Variants in GRIK3 observed in about 807,000 individuals in gnomAD.
The protein encoded by GRIK3 is glutamate receptor ionotropic, kainate 3.
GRIK3 carries 29 observed loss-of-function variants against 102.5 expected under a neutral mutation model. The observed-to-expected ratio is 0.28, with a 90% CI of 0.21 to 0.39. The LOEUF (loss-of-function observed/expected upper bound fraction) is 0.39, where lower values mean the gene tolerates loss of function less well. Among genes scored for constraint, GRIK3 ranks in the 10% least tolerant of loss-of-function variants. GRIK3 has a pLI of 1.00. For missense variants in GRIK3, 908 were observed against 1,252.4 expected, an observed-to-expected ratio of 0.73 and a Z score of 4.15; for synonymous variants, 511 against 504.9, an observed-to-expected ratio of 1.01 and a Z score of -0.16.
intron 1 of GRIK3, among the ~76,000 whole-genome samples, chr1:36,999,292 A>G (rs546390024): frequency 4.4e-4 from 67 of 152,206 alleles, no homozygotes; most frequent in African/African-American, 1.5e-3. Context: ...TGGGAGAGGA[A>G]GCTGCAGGGG....
intron 13 of GRIK3, among the ~76,000 whole-genome samples, chr1:36,811,442 G>A (rs1287962284): frequency 6.6e-6 from 1 of 152,152 alleles, no homozygotes; most frequent in East Asian, 1.9e-4. Context: ...ATATAAATAA[G>A]CGATGTGTGG....
At chr1:37,008,247 C>T (rs1642552988) in intron 1 of GRIK3, among the ~76,000 whole-genome samples, 1 of 152,202 alleles carries the variant, frequency 6.6e-6, no homozygotes, top group Non-Finnish European at 1.5e-5. Flanking sequence ...GCTGGCTCTA[C>T]CCTTACCGAG....
chr1:36,935,960 C>A (rs1280705497), intron 1 of GRIK3, among the ~76,000 whole-genome samples: 1 of 152,172 alleles, frequency 6.6e-6, no homozygotes, highest in East Asian at 1.9e-4. Context: ...TGTTGCCATG[C>A]ACTTTTCTTG....
chr1:36,892,452 AC>A (rs1641128287), intron 1 of GRIK3, among the ~76,000 whole-genome samples: 1 of 152,108 alleles, frequency 6.6e-6, no homozygotes, highest in Non-Finnish European at 1.5e-5. Flanking sequence ...AACTTGAGCA[AC>A]ATAGTGACAC....
chr1:36,921,109 C>T (rs2124304147), intron 1 of GRIK3, among the ~76,000 whole-genome samples: 1 of 152,358 alleles, frequency 6.6e-6, no homozygotes, highest in South Asian at 2.1e-4. Flanking sequence ...TGTGGGTGGA[C>T]ACGGATGCCG....
intron 1 of GRIK3, among the ~76,000 whole-genome samples, chr1:37,021,216 T>G (rs912145732): frequency 1.3e-5 from 2 of 151,942 alleles, no homozygotes; most frequent in African/African-American, 4.8e-5. Context: ...CAGTTGTCTG[T>G]TTTTTTCCCA....
At chr1:36,951,440 C>T (rs536660749) in intron 1 of GRIK3, among the ~76,000 whole-genome samples, 1 of 152,308 alleles carries the variant, frequency 6.6e-6, no homozygotes, top group Admixed American at 6.5e-5. Context: ...TGTCTTCTTC[C>T]CACTGCACAC....
intron 1 of GRIK3, among the ~76,000 whole-genome samples, chr1:36,982,958 C>T (rs1222576295): frequency 4.6e-5 from 7 of 152,198 alleles, no homozygotes; most frequent in African/African-American, 1.4e-4. Flanking sequence ...ACAATTAAAA[C>T]CCGGCTGTCT....
intron 13 of GRIK3, among the ~76,000 whole-genome samples, chr1:36,815,019 G>A (rs936489852): frequency 2.6e-5 from 4 of 152,194 alleles, no homozygotes; most frequent in East Asian, 1.9e-4. Context: ...ATACACACAC[G>A]TGCACATTCC....
At chr1:36,855,653 A>T (rs142102932) in intron 7 of GRIK3, among the ~76,000 whole-genome samples, 4 of 152,254 alleles carry the variant, frequency 2.6e-5, no homozygotes, top group Non-Finnish European at 5.9e-5. Flanking sequence ...CGCTGAGCAC[A>T]GTGCCTGCAT....
At chr1:37,019,156 C>G (rs2124072839) in intron 1 of GRIK3, among the ~76,000 whole-genome samples, 1 of 152,346 alleles carries the variant, frequency 6.6e-6, no homozygotes, top group South Asian at 2.1e-4. Context: ...CTTCCTTTAG[C>G]TTTCACCCCC....
chr1:36,855,970 T>G (rs556832333), intron 7 of GRIK3, among the ~76,000 whole-genome samples: 1 of 152,198 alleles, frequency 6.6e-6, no homozygotes, highest in Non-Finnish European at 1.5e-5. Flanking sequence ...ACAAGACAGA[T>G]TCGTTGCAGT....
chr1:37,000,735 C>T (rs1642468372), intron 1 of GRIK3, among the ~76,000 whole-genome samples: 1 of 152,172 alleles, frequency 6.6e-6, no homozygotes, highest in South Asian at 2.1e-4. Context: ...TGTCTGAATC[C>T]AAATTCAGTC....
chr1:36,929,803 A>G (rs1012108999), intron 1 of GRIK3, among the ~76,000 whole-genome samples: 2 of 152,250 alleles, frequency 1.3e-5, no homozygotes, highest in Non-Finnish European at 2.9e-5. Context: ...TCTTCATACA[A>G]TTAGAAATTC....
intron 1 of GRIK3, among the ~76,000 whole-genome samples, chr1:36,923,287 C>T (rs1313967328): frequency 1.3e-5 from 2 of 152,170 alleles, no homozygotes; most frequent in East Asian, 1.9e-4. Context: ...TGGAAAGGTT[C>T]GCTCTCTTCA....
At chr1:36,942,122 A>C (rs1641727448) in intron 1 of GRIK3, among the ~76,000 whole-genome samples, 1 of 152,232 alleles carries the variant, frequency 6.6e-6, no homozygotes, top group Non-Finnish European at 1.5e-5. Context: ...GGAGGGCAGG[A>C]AAATCCCATG....
intron 1 of GRIK3, among the ~76,000 whole-genome samples, chr1:36,978,684 G>A (rs1570840882): frequency 2.0e-5 from 3 of 152,208 alleles, no homozygotes; most frequent in Non-Finnish European, 4.4e-5. Flanking sequence ...CTGGGGCAAG[G>A]AGGGTGACTT....
chr1:36,803,506 C>T (rs1364044525), intron 15 of GRIK3, among the ~76,000 whole-genome samples: 1 of 152,184 alleles, frequency 6.6e-6, no homozygotes, highest in Non-Finnish European at 1.5e-5. Context: ...CCTTGGCTCA[C>T]TGCAACCTCC....
intron 5 of GRIK3, among the ~76,000 whole-genome samples, chr1:36,865,393 A>C (rs922612384): frequency 1.3e-5 from 2 of 152,192 alleles, no homozygotes; most frequent in Non-Finnish European, 2.9e-5. Flanking sequence ...AAAGGGAAGG[A>C]GATAAATGCC....
Sources: gnomAD v4.1 joint callset for allele counts (sites outside exome capture counted in the v4.1 genomes callset) on GRCh38, gnomAD v4.1.1 for gene constraint, MANE v1.5 for transcripts, NCBI Gene and HGNC (gene_info 2026-07-23, HGNC 2026-07-21) for gene names.